Variants in ELMO1 observed in about 807,000 individuals in gnomAD.
ELMO1 encodes the protein engulfment and cell motility protein 1.
In ELMO1, 26 loss-of-function variants were observed where a neutral mutation model predicts 98.9. The observed-to-expected ratio is 0.26, with a 90% CI of 0.19 to 0.36. ELMO1 has a LOEUF of 0.36. ELMO1 is among the 10% of genes least tolerant of loss of function. The pLI is 1.00. For missense variants in ELMO1, 627 were observed against 935.2 expected, an observed-to-expected ratio of 0.67 and a Z score of 4.30; for synonymous variants, 346 against 346.0, an observed-to-expected ratio of 1.00 and a Z score of 0.00.
chr7:36,859,101 CAGAG>C lies in ELMO1; in HGVS notation c.1983+2554_1983+2557del, dbSNP rs554161100. Among the ~76,000 whole-genome samples, 375 of 151,890 alleles carry C rather than the reference CAGAG, an allele frequency of 2.5e-3. 4 individuals are homozygous for C. Among genetic ancestry groups the C allele is most frequent in the Admixed American group, 3.3e-3 (50 of 15,250 alleles). On this transcript the variant is annotated intron_variant, in intron 21 of 21. Transcript: ENST00000310758. ...GGCACATGCTCATGATTGTGAGAGA[CAGAG>C]AGAGAGAAAGAGAAACCTGTAGATT...
chr7:36,874,904 T>TTTCCTAAAGCTTTGGAGAAGAC (rs1267586328), intron 19 of ELMO1, among the ~76,000 whole-genome samples: 1 of 152,194 alleles, frequency 6.6e-6, no homozygotes, highest in African/African-American at 2.4e-5. Flanking sequence ...AAAAGAAAGA[T>TTTCCTAAAGCTTTGGAGAAGAC]TTCCTAAAGC....
chr7:37,271,635 G>C (rs1796563602), intron 5 of ELMO1, 197 bp downstream of exon 5: 2 of 572,440 alleles, frequency 3.5e-6, no homozygotes, highest in African/African-American at 1.9e-5. Context: ...CCTTCGCCTG[G>C]AATAAGGTCT....
chr7:37,247,905 G>GTGTGTGTGTGTGTGTGTGTGTT (rs1795100940), intron 6 of ELMO1, among the ~76,000 whole-genome samples: 1 of 151,786 alleles, frequency 6.6e-6, no homozygotes, highest in African/African-American at 2.4e-5. Context: ...ATGTGTGTGT[G>GTGTGTGTGTGTGTGTGTGTGTT]TGTGTGTGTG....
chr7:36,937,923 G>T (rs981348828), intron 16 of ELMO1, among the ~76,000 whole-genome samples: 11 of 152,208 alleles, frequency 7.2e-5, no homozygotes, highest in African/African-American at 2.7e-4. Context: ...GGAACTGCCA[G>T]GTGCCACAGA....
chr7:37,005,362 T>C (rs1793002717), intron 16 of ELMO1, among the ~76,000 whole-genome samples: 2 of 151,862 alleles, frequency 1.3e-5, no homozygotes, highest in South Asian at 4.2e-4. Flanking sequence ...ATGGACCCCA[T>C]GCAGCTGAGA....
chr7:37,230,186 A>G (rs551918059), intron 8 of ELMO1, among the ~76,000 whole-genome samples: 4 of 152,272 alleles, frequency 2.6e-5, no homozygotes, highest in Admixed American at 2.0e-4. Flanking sequence ...GGCCCCGAGG[A>G]TAAAGACATG....
rs769202601 is a variant in ELMO1, at chr7:36,861,731, C to T, written c.1911G>A (p.Val637=). ...ACAAGATGGAGAAAGCGAGTTCAAGCACCTCCTACAAGAGATGAGAGAAAA... is the reference window on the plus strand; with the variant it reads ...ACAAGATGGAGAAAGCGAGTTCAAGTACCTCCTACAAGAGATGAGAGAAAA... The part of the protein sequence containing the change: ...EKGALKQNKE[V]LELAFSILYD... Residue 637 remains valine (V), a synonymous_variant, in exon 21 of 22, where the codon GTG becomes GTA. Coordinates refer to ENST00000310758, the MANE Select transcript of ELMO1 (RefSeq NM_014800.11). 1 of 1,613,032 alleles carries T rather than the reference C, an allele frequency of 6.2e-7. No homozygotes were observed. The highest frequency in any genetic ancestry group is 1.7e-5 in the Admixed American group (1 of 59,832).
intron 1 of ELMO1, among the ~76,000 whole-genome samples, chr7:37,374,207 C>T (rs1023603679): frequency 6.6e-6 from 1 of 152,162 alleles, no homozygotes. Context: ...CACCAGTATG[C>T]CAGTGAGTCC....
intron 16 of ELMO1, among the ~76,000 whole-genome samples, chr7:36,932,387 A>C (rs1347373488): frequency 6.6e-6 from 1 of 152,190 alleles, no homozygotes; most frequent in Non-Finnish European, 1.5e-5. Context: ...GGAGAAAAAA[A>C]GTGTGTTAGA....
intron 6 of ELMO1, among the ~76,000 whole-genome samples, chr7:37,255,275 CAAA>C (rs1795580485): frequency 1.3e-5 from 2 of 151,920 alleles, no homozygotes; most frequent in South Asian, 4.2e-4. Flanking sequence ...GATTTGAAGA[CAAA>C]AAGAAAAAAC....
chr7:36,949,721 G>A (rs1197622774), intron 16 of ELMO1, among the ~76,000 whole-genome samples: 1 of 151,062 alleles, frequency 6.6e-6, no homozygotes, highest in Non-Finnish European at 1.5e-5. Context: ...TCATCCCCAT[G>A]GCAAATCCTT....
At chr7:37,181,407 T>G (rs1229996346) in intron 13 of ELMO1, among the ~76,000 whole-genome samples, 1 of 152,124 alleles carries the variant, frequency 6.6e-6, no homozygotes, top group Non-Finnish European at 1.5e-5. Flanking sequence ...CTTCACATTT[T>G]AATTAAATCA....
At chr7:37,036,517 G>C (rs1292182120) in intron 15 of ELMO1, among the ~76,000 whole-genome samples, 1 of 152,158 alleles carries the variant, frequency 6.6e-6, no homozygotes, top group African/African-American at 2.4e-5. Context: ...TTGCAGGTAA[G>C]TGCCACCACA....
intron 16 of ELMO1, among the ~76,000 whole-genome samples, chr7:36,935,320 A>T (rs1786426118): frequency 1.3e-5 from 2 of 152,152 alleles, no homozygotes; most frequent in South Asian, 4.2e-4. Flanking sequence ...CTGTGAGTCC[A>T]TTAAACCTCT....
chr7:37,279,561 A>AC (rs1214714737), intron 4 of ELMO1, among the ~76,000 whole-genome samples: 2 of 152,056 alleles, frequency 1.3e-5, no homozygotes, highest in Non-Finnish European at 2.9e-5. Flanking sequence ...CCGAAAACAC[A>AC]CCCCCACTAA....
intron 20 of ELMO1, among the ~76,000 whole-genome samples, chr7:36,868,183 A>G (rs1481849435): frequency 6.6e-6 from 1 of 152,072 alleles, no homozygotes; most frequent in Admixed American, 6.5e-5. Context: ...ATGGATTTTG[A>G]TATCTTCATG....
At chr7:37,383,080 T>C (rs1250003599) in intron 1 of ELMO1, among the ~76,000 whole-genome samples, 1 of 152,148 alleles carries the variant, frequency 6.6e-6, no homozygotes. Context: ...ATAATCAAAA[T>C]CAGGAAATTA....
chr7:37,365,423 T>C (rs569473144), intron 1 of ELMO1, among the ~76,000 whole-genome samples: 1 of 152,260 alleles, frequency 6.6e-6, no homozygotes, highest in African/African-American at 2.4e-5. Context: ...CCAAAGTCAC[T>C]GCAGAACAGA....
intron 18 of ELMO1, among the ~76,000 whole-genome samples, chr7:36,882,031 C>T (rs1444688623): frequency 6.6e-6 from 1 of 152,164 alleles, no homozygotes; most frequent in East Asian, 1.9e-4. Context: ...CAATGGCAAC[C>T]ACTGGTAGGT....
Sources: allele counts gnomAD v4.1 joint callset (sites outside exome capture counted in the v4.1 genomes callset), GRCh38; gene constraint gnomAD v4.1.1; transcripts MANE v1.5; gene names NCBI Gene and HGNC (gene_info 2026-07-23, HGNC 2026-07-21).